HOOK2: variants seen among roughly 807,000 people sequenced by gnomAD.
The protein encoded by HOOK2 is hook microtubule tethering protein 2.
In HOOK2, 108 loss-of-function variants were observed where a neutral mutation model predicts 111.9. That is an observed-to-expected ratio of 0.96 (90% CI 0.83 to 1.13). HOOK2 has a LOEUF of 1.13. Ranked by LOEUF, HOOK2 falls within the 50% of genes most tolerant of loss-of-function variation. HOOK2 has a pLI of 0.00. For synonymous variants in HOOK2, 405 were observed against 394.3 expected, an observed-to-expected ratio of 1.03 and a Z score of -0.32; for missense variants, 978 against 951.3, an observed-to-expected ratio of 1.03 and a Z score of -0.37.
chr19:12,770,191 G>C (rs979767582), intron 10 of HOOK2, 109 bp from the exon 11 acceptor site: 2 of 1,000,696 alleles, frequency 2.0e-6, no homozygotes, highest in Admixed American at 3.6e-5. Context: ...AGGCTTTTGG[G>C]TTCAAGGTGA....
upstream of HOOK2, among the ~76,000 whole-genome samples, chr19:12,776,443 A>G (rs1277704875): frequency 6.6e-6 from 1 of 151,468 alleles, no homozygotes; most frequent in Non-Finnish European, 1.5e-5. Flanking sequence ...GCACTTTGGG[A>G]GGCCGAGGCG....
rs907872550 is a variant in HOOK2, at chr19:12,790,193, C to T, written n.42-15968G>A. On this transcript the variant is annotated intron_variant and non_coding_transcript_variant, in intron 3 of 3. Transcript: ENST00000589765. This position sits in a 1 kb window ranked among gnomAD's most constrained non-coding sequence, Gnocchi z 7.2. ...CGCGGCTGGGCGGGCTCCAAGCACC[C>T]GGGCCTCCGCGGGGGCTCGCACGCC... Among the ~76,000 whole-genome samples, 36 of 152,204 alleles carry T rather than the reference C, an allele frequency of 2.4e-4. No individual in the cohort carries two copies. Among genetic ancestry groups the T allele is most frequent in the African/African-American group, 8.7e-4 (36 of 41,462 alleles).
chr19:12,766,180 G>C lies in HOOK2; in HGVS notation c.1434C>G (p.Asp478Glu), dbSNP rs1223323092. ...NKRLCRQEAA[D>E]RERQEELQRH... Reference sequence around the variant, plus strand: ...GCTGCAGCTCCTCCTGCCGCTCCCGGTCGGCCGCCTCCTGCCTGCACAGCC... The same window carrying C: ...GCTGCAGCTCCTCCTGCCGCTCCCGCTCGGCCGCCTCCTGCCTGCACAGCC... The change falls in exon 15 of 23, where the codon GAC becomes GAG. Residue 478 changes from aspartate to glutamate, a missense_variant. By Grantham distance (45) the Asp-to-Glu change is conservative. Coordinates refer to ENST00000397668, the MANE Select transcript of HOOK2 (RefSeq NM_013312.3). The C allele has an allele frequency of 1.3e-6, 2 of 1,597,700 alleles. No homozygotes were observed. Among genetic ancestry groups the C allele is most frequent in the Non-Finnish European group, 1.7e-6 (2 of 1,178,430 alleles).
chr19:12,769,710 C>A (rs189879555), intron 11 of HOOK2, among the ~76,000 whole-genome samples, 171 bp downstream of exon 11: 1 of 152,320 alleles, frequency 6.6e-6, no homozygotes, highest in African/African-American at 2.4e-5. Context: ...AAGGGAAAGG[C>A]TGGGCTTACT....
intron 20 of HOOK2, chr19:12,764,526 C>T: frequency 2.7e-6 from 1 of 365,004 alleles, no homozygotes; most frequent in Non-Finnish European, 5.0e-6. Flanking sequence ...GATGGGGTTT[C>T]ACCATGTTGG....
At chr19:12,781,107 C>T (rs1478344976), upstream of HOOK2, among the ~76,000 whole-genome samples, 1 of 148,662 alleles carries the variant, frequency 6.7e-6, no homozygotes, top group Non-Finnish European at 1.5e-5. Flanking sequence ...TCGAGACCAT[C>T]CTGGCTAACA....
chr19:12,792,185 C>CTT, intron 3 of HOOK2: 1 of 1,584,120 alleles, frequency 6.3e-7, no homozygotes, highest in Non-Finnish European at 8.6e-7. Context: ...TCGCCGACGG[C>CTT]TTTGTCAAAG....
rs570747526 is a variant in HOOK2 at position 12,771,194 on chromosome 19, T to C, written c.726A>G (p.Gln242=). ...CCTCCTGCAACTGCTCCAGCTGGGA[T>C]TGCAGCAGCAGCAGCTTCTTGGCAG... The part of the protein sequence containing the change: ...GLTAKKLLLL[Q]SQLEQLQEEN... The change falls in exon 9 of 23, where the codon CAA becomes CAG. Residue 242 remains glutamine, a synonymous_variant. Coordinates refer to ENST00000397668, the MANE Select transcript of HOOK2 (RefSeq NM_013312.3). The C allele has an allele frequency of 2.8e-4, 453 of 1,613,276 alleles. 3 individuals are homozygous for C. In the Middle Eastern group the frequency reaches 3.0e-3, roughly 11 times the overall value.
intron 5 of HOOK2, 44 bp downstream of exon 5, chr19:12,772,736 G>T: frequency 3.1e-6 from 5 of 1,613,594 alleles, no homozygotes; most frequent in Non-Finnish European, 4.2e-6. Flanking sequence ...GAGGAAGGAG[G>T]ATTTCCTCAG....
intron 18 of HOOK2, chr19:12,765,426 A>C: frequency 3.4e-6 from 2 of 591,118 alleles, no homozygotes. Context: ...TCTAGAATAC[A>C]AATCTCTTCA....
At chr19:12,766,428 C>G (rs1968149661) in intron 14 of HOOK2, 188 bp from the exon 15 acceptor site, 1 of 665,518 alleles carries the variant, frequency 1.5e-6, no homozygotes, top group Non-Finnish European at 2.4e-6. Context: ...GGACGGAGCT[C>G]TAAGCTGGGA....
intron 7 of HOOK2, 150 bp from the exon 8 acceptor site, chr19:12,771,627 A>C: frequency 1.5e-6 from 1 of 687,626 alleles, no homozygotes. Flanking sequence ...TCGCGCCTAT[A>C]ATCCCAGCAC....
At chr19:12,771,881 C>CAAAAAAA (rs60718260) in intron 7 of HOOK2, 31 of 115,206 alleles carry the variant, frequency 2.7e-4, no homozygotes, top group South Asian at 5.5e-4. Context: ...GACTCCATCT[C>CAAAAAAA]AAAAAAAAAA....
chr19:12,770,008 TC>T lies in HOOK2; in HGVS notation c.976del (p.Glu326SerfsTer56). On this transcript the variant is annotated frameshift_variant, in exon 11 of 23. Coordinates refer to ENST00000397668, the MANE Select transcript of HOOK2 (RefSeq NM_013312.3). LOFTEE classifies it high-confidence loss of function. ...SCRRRLGELR[E>X]LRRQVRQLEE... ...CAGCTGCCGCACCTGCCGCCGCAGC[TC>T]CCTCAGCTCGCCCAAGCGGCGCCGG... 1 of 1,542,742 alleles carries T rather than the reference TC, an allele frequency of 6.5e-7. No individual in the cohort carries two copies.
intron 3 of HOOK2, among the ~76,000 whole-genome samples, chr19:12,788,745 C>A (rs1010709595): frequency 1.3e-5 from 2 of 152,238 alleles, no homozygotes; most frequent in Non-Finnish European, 2.9e-5. Flanking sequence ...GCCCGCTGCG[C>A]CCCCGCGGGG....
intron 3 of HOOK2, 187 bp from the exon 4 acceptor site, chr19:12,773,231 C>CTTTTTTTTTTTTTTT (rs373156108): frequency 8.2e-5 from 21 of 254,952 alleles, no homozygotes; most frequent in Admixed American, 1.9e-4. Context: ...ATCTTTGTTT[C>CTTTTTTTTTTTTTTT]TTTTTTTTTT....
chr19:12,766,051 C>T (rs370090402), intron 15 of HOOK2, 37 bp from the exon 16 acceptor site: 28 of 1,609,148 alleles, frequency 1.7e-5, no homozygotes, highest in Middle Eastern at 1.6e-4. Context: ...CCTGTGCCCA[C>T]TTTTGGCCCC....
Position 12,772,775 on chromosome 19 carries a change from C to A in HOOK2, c.388+5G>T, listed in dbSNP as rs769884150. ...AGCCCTGGGGACCCCCTAAGCTCCCCATACCCTGCTTTTTCTCGCAACTGA... is the reference window on the plus strand; with the variant it reads ...AGCCCTGGGGACCCCCTAAGCTCCCAATACCCTGCTTTTTCTCGCAACTGA... On this transcript the variant is annotated splice_donor_5th_base_variant and intron_variant, in intron 5 of 22. Transcript: ENST00000397668. 7.4e-6 allele frequency: 12 copies of A among 1,614,010 alleles called. No homozygotes were observed. The highest frequency in any genetic ancestry group is 1.0e-5 in the Non-Finnish European group (12 of 1,179,970).
Position 12,774,856 on chromosome 19 carries a change from C to G in HOOK2, c.87G>C (p.Gln29His), listed in dbSNP as rs981024305. The G allele has an allele frequency of 1.2e-6, 2 of 1,614,066 alleles. No homozygotes were observed. Among genetic ancestry groups the G allele is most frequent in the African/African-American group, 2.7e-5 (2 of 74,944 alleles). Residue 29 changes from glutamine to histidine, a missense_variant, in exon 2 of 23, where the codon CAG (glutamine) becomes CAC (histidine). Transcript: ENST00000397668. Reference sequence around the variant, plus strand: ...CTACGGCAAGGCCGCTGCTCAGGTCCTGAGGGCTGGCACAGGGAGACGGAA... The same window carrying G: ...CTACGGCAAGGCCGCTGCTCAGGTCGTGAGGGCTGGCACAGGGAGACGGAA... ...FHVPSPCASP[Q>H]DLSSGLAVAY...
Sources: allele counts gnomAD v4.1 joint callset (sites outside exome capture counted in the v4.1 genomes callset), GRCh38; gene constraint gnomAD v4.1.1; non-coding constraint Gnocchi (gnomAD v3.1); transcripts MANE v1.5; gene names NCBI Gene and HGNC (gene_info 2026-07-23, HGNC 2026-07-21).